Variants in EYS observed in about 807,000 individuals in gnomAD.
EYS encodes EGF-like photoreceptor maintenance factor, also known as protein eyes shut homolog.
In EYS, 250 loss-of-function variants were observed where a neutral mutation model predicts 282.1. That is an observed-to-expected ratio of 0.89 (90% CI 0.80 to 0.98). The LOEUF (loss-of-function observed/expected upper bound fraction) is 0.98, where lower values mean the gene tolerates loss of function less well. EYS is among the 50% of genes least tolerant of loss of function. EYS has a pLI of 0.00. For synonymous variants in EYS, 1,355 were observed against 1,282.9 expected (o/e 1.06, Z -1.20); for missense variants, 4,016 against 3,709.0 (o/e 1.08, Z -2.15).
At chr6:64,748,374 G>C (rs1772627571) in intron 22 of EYS, among the ~76,000 whole-genome samples, 1 of 152,172 alleles carries the variant, frequency 6.6e-6, no homozygotes, top group Admixed American at 6.6e-5. Flanking sequence ...AGGAGGAACG[G>C]TTTCATTACA....
intron 12 of EYS, among the ~76,000 whole-genome samples, chr6:65,216,603 G>A (rs477740): frequency 0.28 from 42,386 of 151,486 alleles, 6,428 homozygotes; most frequent in African/African-American, 0.39. Context: ...TTTAAAAATA[G>A]TACAGAATGT....
chr6:64,621,427 G>A (rs796842862), intron 23 of EYS, among the ~76,000 whole-genome samples: 10 of 151,868 alleles, frequency 6.6e-5, no homozygotes, highest in African/African-American at 2.4e-4. Context: ...TTAGTAATTG[G>A]ATAACATAAA....
intron 1 of EYS, among the ~76,000 whole-genome samples, chr6:65,661,103 A>G (rs1007754944): frequency 1.3e-5 from 2 of 152,022 alleles, no homozygotes; most frequent in Non-Finnish European, 2.9e-5. Context: ...ACACTTTCCA[A>G]AATGTATTCA....
At chr6:65,265,135 T>C (rs185001848) in intron 12 of EYS, among the ~76,000 whole-genome samples, 38 of 152,018 alleles carry the variant, frequency 2.5e-4, no homozygotes, top group Non-Finnish European at 4.0e-4. Flanking sequence ...AAACTAATTA[T>C]TGGGTGCTAA....
At chr6:65,537,909 A>G (rs943954818) in intron 2 of EYS, among the ~76,000 whole-genome samples, 2 of 152,176 alleles carry the variant, frequency 1.3e-5, no homozygotes, top group African/African-American at 4.8e-5. Context: ...AGGATTTTCA[A>G]ATTAGTATTG....
At chr6:63,883,124 G>A (rs900283493) in intron 35 of EYS, among the ~76,000 whole-genome samples, 3 of 152,118 alleles carry the variant, frequency 2.0e-5, no homozygotes. Flanking sequence ...ACACCTCCTA[G>A]CATTTAGAGC....
chr6:64,084,926 G>A (rs915678612), intron 31 of EYS, among the ~76,000 whole-genome samples: 4 of 152,018 alleles, frequency 2.6e-5, no homozygotes, highest in Non-Finnish European at 4.4e-5. Context: ...TCTAGTCCGT[G>A]GTAAAGACTC....
Position 65,192,699 on chromosome 6 carries a change from T to C in EYS, c.2023+103164A>G, listed in dbSNP as rs1436813661. Among the ~76,000 whole-genome samples, 3 of 151,830 alleles carry C rather than the reference T, an allele frequency of 2.0e-5. No homozygotes were observed. The East Asian group carries it at 5.8e-4, about 29-fold the overall frequency. ...TATTGGTGTTAAGAGATAGGGCCTT[T>C]ATGAGATGACTAGGTCATTAAAATC... On this transcript the variant is annotated intron_variant, in intron 12 of 42. Coordinates refer to ENST00000503581, the MANE Select transcript of EYS (RefSeq NM_001142800.2).
intron 29 of EYS, among the ~76,000 whole-genome samples, chr6:64,384,761 C>T (rs1164675288): frequency 6.6e-6 from 1 of 152,152 alleles, no homozygotes; most frequent in African/African-American, 2.4e-5. Context: ...CATTTATGGT[C>T]ATCAGGGGAA....
At chr6:63,855,589 G>C (rs892844272) in intron 36 of EYS, among the ~76,000 whole-genome samples, 13 of 152,174 alleles carry the variant, frequency 8.5e-5, no homozygotes, top group Non-Finnish European at 8.8e-5. Flanking sequence ...AAAAATTTCA[G>C]AACCTACCAT....
intron 19 of EYS, among the ~76,000 whole-genome samples, chr6:64,843,699 G>A (rs1341749489): frequency 2.0e-5 from 3 of 152,110 alleles, no homozygotes; most frequent in Non-Finnish European, 4.4e-5. Flanking sequence ...GACTTGCCTT[G>A]TTTCAGATGA....
chr6:65,211,245 G>A (rs1766169932), intron 12 of EYS, among the ~76,000 whole-genome samples: 1 of 152,024 alleles, frequency 6.6e-6, no homozygotes, highest in African/African-American at 2.4e-5. Flanking sequence ...GAAAGGGCTT[G>A]TGTTGGTGCT....
chr6:65,471,969 A>C (rs1765233583), intron 5 of EYS, among the ~76,000 whole-genome samples: 1 of 152,144 alleles, frequency 6.6e-6, no homozygotes, highest in African/African-American at 2.4e-5. Context: ...TATAGTGTTA[A>C]ACTCTTCTAT....
intron 24 of EYS, among the ~76,000 whole-genome samples, chr6:64,603,291 C>G (rs994561873): frequency 2.0e-5 from 3 of 151,920 alleles, no homozygotes; most frequent in Non-Finnish European, 4.4e-5. Flanking sequence ...CTTTCTTATC[C>G]TACTGCTGCT....
chr6:63,851,874 T>A (rs1227551779), intron 36 of EYS, among the ~76,000 whole-genome samples: 1 of 151,878 alleles, frequency 6.6e-6, no homozygotes, highest in Admixed American at 6.6e-5. Flanking sequence ...AATCAATGAA[T>A]TGGCCGGGCG....
In EYS at chr6:64,632,844, A is replaced by G. The variant is rs114285571; in HGVS notation, c.3444-6599T>C. Among the ~76,000 whole-genome samples, 1,363 of 152,238 alleles carry G rather than the reference A, an allele frequency of 9.0e-3. 26 individuals are homozygous for G. Among genetic ancestry groups the G allele is most frequent in the African/African-American group, 0.031 (1,300 of 41,564 alleles). Reference sequence around the variant, plus strand: ...TGCTTCTCATTTCAGTATTTTTATTACTATTCAATTGATCACATTATATGC... The same window carrying G: ...TGCTTCTCATTTCAGTATTTTTATTGCTATTCAATTGATCACATTATATGC... On this transcript the variant is annotated intron_variant, in intron 22 of 42. Coordinates refer to ENST00000503581, the MANE Select transcript of EYS (RefSeq NM_001142800.2).
intron 14 of EYS, among the ~76,000 whole-genome samples, chr6:64,962,248 CACT>C: frequency 6.6e-6 from 1 of 151,928 alleles, no homozygotes; most frequent in Non-Finnish European, 1.5e-5. Context: ...AAAACTACAC[CACT>C]AGTAGTAAAT....
intron 5 of EYS, among the ~76,000 whole-genome samples, chr6:65,436,229 A>G (rs1582288670): frequency 6.6e-6 from 1 of 152,202 alleles, no homozygotes; most frequent in East Asian, 1.9e-4. Flanking sequence ...AATTCCACAT[A>G]CTTTTGAAGA....
At chr6:64,436,445 A>T (rs576237717) in intron 27 of EYS, among the ~76,000 whole-genome samples, 180 bp from the exon 28 acceptor site, 207 of 152,006 alleles carry the variant, frequency 1.4e-3, no homozygotes, top group African/African-American at 4.9e-3. Context: ...TAGATTTAAT[A>T]CATACAAATA....
Sources: allele counts gnomAD v4.1 joint callset (sites outside exome capture counted in the v4.1 genomes callset), GRCh38; gene constraint gnomAD v4.1.1; transcripts MANE v1.5; gene names NCBI Gene and HGNC (gene_info 2026-07-23, HGNC 2026-07-21).